Variants in PKHD1 observed in about 807,000 individuals in gnomAD.
PKHD1 encodes the protein fibrocystin.
PKHD1 carries 291 observed loss-of-function variants against 412.0 expected under a neutral mutation model. The observed-to-expected ratio is 0.71, with a 90% CI of 0.64 to 0.78. PKHD1 has a LOEUF of 0.78. Among genes scored for constraint, PKHD1 ranks in the 30% least tolerant of loss-of-function variants. PKHD1 has a pLI of 0.00. For missense variants in PKHD1, 4,825 were observed against 4,950.7 expected, an observed-to-expected ratio of 0.97 and a Z score of 0.76; for synonymous variants, 1,777 against 1,821.5, an observed-to-expected ratio of 0.98 and a Z score of 0.62.
chr6:51,763,648 C>A (rs9382013), intron 55 of PKHD1, among the ~76,000 whole-genome samples: 48,628 of 151,978 alleles, frequency 0.32, 9,670 homozygotes, highest in East Asian at 0.7. Flanking sequence ...GTGAATGACA[C>A]CACTATCCAG....
chr6:52,002,598 C>G (rs538687035), intron 35 of PKHD1, among the ~76,000 whole-genome samples: 2 of 152,048 alleles, frequency 1.3e-5, no homozygotes, highest in Non-Finnish European at 2.9e-5. Context: ...CTAGCTCAAC[C>G]CTGCTTTCTG....
At chr6:51,832,194 G>A (rs1168070307) in intron 51 of PKHD1, among the ~76,000 whole-genome samples, 7 of 152,122 alleles carry the variant, frequency 4.6e-5, no homozygotes, top group Non-Finnish European at 5.9e-5. Context: ...ACTGAGGGGA[G>A]TTCTTTTTAA....
In PKHD1 at chr6:51,615,848, G is replaced by A. The variant is rs1766017910; in HGVS notation, c.*3233C>T. On this transcript the variant is annotated 3_prime_UTR_variant, in exon 67 of 67. Transcript: ENST00000371117. ...CAGTAACAAGGGCAAGTCTATTGAAGGGCAAGTTCACCTTGATCAGATAAG... is the reference window on the plus strand; with the variant it reads ...CAGTAACAAGGGCAAGTCTATTGAAAGGCAAGTTCACCTTGATCAGATAAG... 1 of 152,134 alleles carries A rather than the reference G, an allele frequency of 6.6e-6. No individual in the cohort carries two copies. Among genetic ancestry groups the A allele is most frequent in the Admixed American group, 6.5e-5 (1 of 15,268 alleles). The allele number at this position is 152,134 out of a possible 1,614,324, so 9.4% of individuals were successfully genotyped here.
intron 35 of PKHD1, among the ~76,000 whole-genome samples, chr6:51,984,477 A>G (rs1313749188): frequency 3.3e-5 from 5 of 152,250 alleles, no homozygotes; most frequent in Non-Finnish European, 1.5e-5. Flanking sequence ...CAAAATTTAC[A>G]TGTTGTCAGT....
At chr6:52,043,178 C>T in intron 26 of PKHD1, 44 bp from the exon 27 acceptor site, 1 of 1,468,118 alleles carries the variant, frequency 6.8e-7, no homozygotes, top group East Asian at 2.4e-5. Flanking sequence ...AATAATCTCT[C>T]AGTGATATTA....
chr6:51,813,422 C>G (rs895036009), intron 52 of PKHD1, among the ~76,000 whole-genome samples: 3 of 152,110 alleles, frequency 2.0e-5, no homozygotes, highest in Non-Finnish European at 2.9e-5. Flanking sequence ...AATAACTGTT[C>G]CTGTGTTTAA....
intron 37 of PKHD1, among the ~76,000 whole-genome samples, chr6:51,926,769 A>T (rs892239680): frequency 6.6e-6 from 1 of 152,198 alleles, no homozygotes; most frequent in Non-Finnish European, 1.5e-5. Flanking sequence ...TGCCACTGTA[A>T]ATAGAATGGT....
At chr6:51,781,645 T>C (rs1337981389) in intron 53 of PKHD1, among the ~76,000 whole-genome samples, 4 of 152,070 alleles carry the variant, frequency 2.6e-5, no homozygotes, top group African/African-American at 9.7e-5. Context: ...TAATAGTATA[T>C]GGCACAGTGT....
chr6:51,722,127 A>G, intron 60 of PKHD1: 1 of 1,577,680 alleles, frequency 6.3e-7, no homozygotes, highest in Non-Finnish European at 8.7e-7. Context: ...CCAAATGAAA[A>G]TACCCCACAC....
At chr6:51,698,085 T>C (rs752090716) in intron 60 of PKHD1, among the ~76,000 whole-genome samples, 9 of 152,188 alleles carry the variant, frequency 5.9e-5, no homozygotes, top group Non-Finnish European at 1.2e-4. Flanking sequence ...GAGTTATCAA[T>C]GATCAATTAT....
At chr6:51,673,476 T>G (rs1174894286) in intron 60 of PKHD1, among the ~76,000 whole-genome samples, 1 of 152,250 alleles carries the variant, frequency 6.6e-6, no homozygotes, top group Admixed American at 6.5e-5. Flanking sequence ...TCACTTGCTA[T>G]AGCAAGTTCA....
At chr6:52,015,756 A>G (rs62406024) in intron 34 of PKHD1, among the ~76,000 whole-genome samples, 14,121 of 151,952 alleles carry the variant, frequency 0.093, 692 homozygotes, top group South Asian at 0.16. Flanking sequence ...CCCGGGAGGC[A>G]GAGCTTGCAG....
At chr6:51,864,743 T>G (rs1361267634) in intron 48 of PKHD1, among the ~76,000 whole-genome samples, 1 of 152,182 alleles carries the variant, frequency 6.6e-6, no homozygotes, top group South Asian at 2.1e-4. Flanking sequence ...ATCCAAAATA[T>G]TATTTCAACA....
At chr6:51,896,914 C>T (rs552495233) in intron 43 of PKHD1, among the ~76,000 whole-genome samples, 148 of 151,960 alleles carry the variant, frequency 9.7e-4, no homozygotes, top group Non-Finnish European at 9.7e-4. Flanking sequence ...AGGGTATCAG[C>T]GATGGAAGAT....
rs568768488 is a variant in PKHD1 at position 52,037,485 on chromosome 6, G to T, written c.3098-1764C>A. On this transcript the variant is annotated intron_variant, in intron 27 of 66. Coordinates refer to ENST00000371117, the MANE Select transcript of PKHD1 (RefSeq NM_138694.4). ...ATACATAAAATGCTCTTTAAAATCA[G>T]TAAGAAAGAACAATAACCCCATTAG... 3.0e-4 allele frequency among the ~76,000 whole-genome samples: 45 copies of T among 152,178 alleles called. No individual in the cohort carries two copies. In the South Asian group the frequency reaches 7.2e-3, roughly 25 times the overall value.
intron 20 of PKHD1, 125 bp downstream of exon 20, chr6:52,053,913 T>C: frequency 1.1e-6 from 1 of 951,508 alleles, no homozygotes; most frequent in Non-Finnish European, 1.7e-6. Flanking sequence ...TATATTCAAA[T>C]CCCCAAATTA....
intron 51 of PKHD1, among the ~76,000 whole-genome samples, chr6:51,831,538 A>T (rs908754416): frequency 1.3e-5 from 2 of 152,122 alleles, no homozygotes; most frequent in African/African-American, 4.8e-5. Flanking sequence ...TGACATTGAG[A>T]CTCTTTCTAT....
At chr6:51,705,106 G>T (rs1272830022) in intron 60 of PKHD1, among the ~76,000 whole-genome samples, 3 of 152,038 alleles carry the variant, frequency 2.0e-5, no homozygotes, top group Non-Finnish European at 2.9e-5. Flanking sequence ...AGAAAACTCA[G>T]TTGTCCATAT....
Position 52,017,609 on chromosome 6 carries a change from C to T in PKHD1, c.5401G>A (p.Gly1801Ser), listed in dbSNP as rs779043241. Reference protein sequence around the residue: ...PLDVSLAFLCGLKREEDSCEA... With the variant: ...PLDVSLAFLCSLKREEDSCEA... ...CAGCTGTCCTCCTCACGCTTCAGGCCACACAGGAAGGCCAAGGACACTGCA... is the reference window on the plus strand; with the variant it reads ...CAGCTGTCCTCCTCACGCTTCAGGCTACACAGGAAGGCCAAGGACACTGCA... The change falls in exon 34 of 67, where the codon GGC becomes AGC. Residue 1801 changes from glycine (G) to serine (S), a missense_variant. Coordinates refer to ENST00000371117, the MANE Select transcript of PKHD1 (RefSeq NM_138694.4). 16 of 1,613,628 alleles carry T rather than the reference C, an allele frequency of 9.9e-6. No homozygotes were observed. In the South Asian group the frequency reaches 1.6e-4, roughly 17 times the overall value.
Sources: gnomAD v4.1 joint callset for allele counts (sites outside exome capture counted in the v4.1 genomes callset) on GRCh38, gnomAD v4.1.1 for gene constraint, MANE v1.5 for transcripts, NCBI Gene and HGNC (gene_info 2026-07-23, HGNC 2026-07-21) for gene names.